FSIP2: variants seen among roughly 807,000 people sequenced by gnomAD.
The protein encoded by FSIP2 is fibrous sheath interacting protein 2.
Under a neutral mutation model 510.5 loss-of-function variants are expected in FSIP2, and 367 were observed. The ratio of observed to expected loss-of-function variants is 0.72; its 90% confidence interval spans 0.66 to 0.78. FSIP2 has a LOEUF of 0.78. Among genes scored for constraint, FSIP2 ranks in the 30% least tolerant of loss-of-function variants. The pLI, the probability that FSIP2 is intolerant of heterozygous loss-of-function variation, is 0.00. For synonymous variants in FSIP2, 2,601 were observed against 2,732.2 expected (o/e 0.95, Z 1.50); for missense variants, 7,594 against 7,901.7 (o/e 0.96, Z 1.48).
At chr2:185,809,827 T>G (rs1320344165) in intron 17 of FSIP2, among the ~76,000 whole-genome samples, 2 of 152,078 alleles carry the variant, frequency 1.3e-5, no homozygotes, top group Non-Finnish European at 2.9e-5. Flanking sequence ...CTCTCCCCTG[T>G]AACCCCATAC....
At chr2:185,739,051 G>A (rs1255218143) in intron 1 of FSIP2, 58 bp downstream of exon 1, 1 of 1,498,670 alleles carries the variant, frequency 6.7e-7, no homozygotes, top group Non-Finnish European at 8.9e-7. Flanking sequence ...CTGCTGGGGA[G>A]CGGGGCAGGG....
At chr2:185,785,158 A>C (rs1471024667) in intron 14 of FSIP2, among the ~76,000 whole-genome samples, 2 of 152,104 alleles carry the variant, frequency 1.3e-5, no homozygotes, top group Admixed American at 6.6e-5. Context: ...AGGTTGCAGA[A>C]TATCTAAGAG....
intron 11 of FSIP2, among the ~76,000 whole-genome samples, chr2:185,762,966 A>C (rs1344035647): frequency 2.6e-5 from 4 of 151,620 alleles, no homozygotes; most frequent in East Asian, 3.9e-4. Context: ...CTTTGAAGGC[A>C]ATGGGAACCA....
In FSIP2 at chr2:185,806,274, G is replaced by C; in HGVS notation, c.16968G>C (p.Gly5656=). The C allele has an allele frequency of 2.5e-6, 4 of 1,609,788 alleles. No homozygotes were observed. Among genetic ancestry groups the C allele is most frequent in the South Asian group, 1.1e-5 (1 of 90,690 alleles). ...EIRIRTSSNE[G]RRDSPTQTCR... is the part of the protein sequence containing the mutation. ...GAATTCGAACATCAAGCAATGAGGGGAGAAGAGACTCTCCAACACAAACGT... is the reference window on the plus strand; with the variant it reads ...GAATTCGAACATCAAGCAATGAGGGCAGAAGAGACTCTCCAACACAAACGT... Residue 5656 remains glycine, a synonymous_variant, in exon 17 of 23, where the codon GGG becomes GGC. Coordinates refer to ENST00000424728, the MANE Select transcript of FSIP2 (RefSeq NM_173651.4).
chr2:185,800,489 ACTC>A lies in FSIP2; in HGVS notation c.11187_11189del (p.Ser3730del). The A allele has an allele frequency of 6.5e-7, 1 of 1,533,266 alleles. No individual in the cohort carries two copies. Among genetic ancestry groups the A allele is most frequent in the South Asian group, 1.2e-5 (1 of 83,734 alleles). 95.0% of individuals were successfully genotyped at this position (1,533,266 alleles called of 1,614,324 possible). On this transcript the variant is annotated inframe_deletion, in exon 17 of 23. Transcript: ENST00000424728. ...GGTAAAATACAAAGAACATATTTCT[ACTC>A]CTCGAATAATGAGCAACCTAATAGC...
In FSIP2 at chr2:185,794,589, A is replaced by C; in HGVS notation, c.7453A>C (p.Ile2485Leu). The C allele has an allele frequency of 6.5e-7, 1 of 1,531,588 alleles. No individual in the cohort carries two copies. The highest frequency in any genetic ancestry group is 8.7e-7 in the Non-Finnish European group (1 of 1,144,360). The allele number at this position is 1,531,588 out of a possible 1,614,324, so 94.9% of individuals were successfully genotyped here. A position where few individuals can be genotyped will look rare whatever the true frequency, so the allele number is the denominator to read the frequency against. ...AAACAAAGAAAAAGGTGAACTGCTC[A>C]TTGCAGTGGAAGAACTTTTGAATAA... ...SKNKEKGELL[I>L]AVEELLNKLY... Residue 2485 changes from isoleucine (I) to leucine (L), a missense_variant, in exon 16 of 23, where the codon ATT (isoleucine) becomes CTT (leucine). Transcript: ENST00000424728.
chr2:185,832,479 T>G (rs569861021), intron 22 of FSIP2, among the ~76,000 whole-genome samples: 9 of 151,992 alleles, frequency 5.9e-5, no homozygotes, highest in African/African-American at 2.2e-4. Context: ...ACTTTTGAGT[T>G]TCATGTACTA....
At chr2:185,739,120 G>A in intron 1 of FSIP2, 127 bp downstream of exon 1, 1 of 1,299,892 alleles carries the variant, frequency 7.7e-7, no homozygotes, top group Non-Finnish European at 1.0e-6. Flanking sequence ...CTGCCCTCTT[G>A]CGGCGCCCGG....
At chr2:185,739,134 C>T (rs1352240385) in intron 1 of FSIP2, 141 bp downstream of exon 1, 9 of 1,209,854 alleles carry the variant, frequency 7.4e-6, no homozygotes, top group Non-Finnish European at 1.0e-5. Flanking sequence ...CGCCCGGGGG[C>T]GGTGGCGGTG....
chr2:185,804,935 A>G lies in FSIP2; in HGVS notation c.15629A>G (p.Lys5210Arg). Residue 5210 changes from lysine to arginine, a missense_variant, in exon 17 of 23, where the codon AAA becomes AGA. Transcript: ENST00000424728. ...KTSEFQAEVQ[K>R]DADKKGCSFL... ...TCTGAATTCCAAGCTGAAGTACAAA[A>G]AGATGCAGACAAAAAAGGATGCTCA... The G allele has an allele frequency of 6.5e-7, 1 of 1,528,366 alleles. No homozygotes were observed. The highest frequency in any genetic ancestry group is 2.4e-5 in the East Asian group (1 of 40,846). 94.7% of individuals were successfully genotyped at this position (1,528,366 alleles called of 1,614,324 possible). A position where few individuals can be genotyped will look rare whatever the true frequency, so the allele number is the denominator to read the frequency against.
chr2:185,810,659 T>C (rs191708261), intron 17 of FSIP2, among the ~76,000 whole-genome samples: 1 of 146,068 alleles, frequency 6.8e-6, no homozygotes, highest in Non-Finnish European at 1.5e-5. Flanking sequence ...TACCTGAAAA[T>C]ACGGAAGCAC....
At chr2:185,785,719 T>G (rs1205108577) in intron 14 of FSIP2, among the ~76,000 whole-genome samples, 5 of 152,044 alleles carry the variant, frequency 3.3e-5, no homozygotes, top group Non-Finnish European at 5.9e-5. Flanking sequence ...TAAATTGGTA[T>G]TAAATATAGC....
chr2:185,738,755 T>C (rs958095088), upstream of FSIP2: 1 of 1,535,906 alleles, frequency 6.5e-7, no homozygotes, highest in Non-Finnish European at 8.7e-7. Context: ...CCGCTACCAT[T>C]GGAAGCCTGG....
At chr2:185,750,977 TATTGAG>T (rs1211392377) in intron 7 of FSIP2, among the ~76,000 whole-genome samples, 1 of 151,540 alleles carries the variant, frequency 6.6e-6, no homozygotes, top group Non-Finnish European at 1.5e-5. Context: ...TTTTTAAATA[TATTGAG>T]ATTATTTTAT....
chr2:185,785,210 T>C (rs13020956), intron 14 of FSIP2, among the ~76,000 whole-genome samples: 147,628 of 152,114 alleles, frequency 0.97, 71,714 homozygotes, highest in Middle Eastern at 1. Flanking sequence ...AAACCAGATC[T>C]TAGAAAAACA....
intron 20 of FSIP2, among the ~76,000 whole-genome samples, chr2:185,825,371 C>T (rs1475791877): frequency 6.6e-6 from 1 of 151,726 alleles, no homozygotes; most frequent in Non-Finnish European, 1.5e-5. Flanking sequence ...ACCCATCCAA[C>T]ATTCCTCTGA....
chr2:185,789,549 T>C lies in FSIP2; in HGVS notation c.2413T>C (p.Leu805=). ...ELLTSSNGKP[L]KNSMPHTLDP... Reference sequence around the variant, plus strand: ...TCTCACATCATCTAATGGAAAACCTTTGAAAAATTCAATGCCTCATACTTT... The same window carrying C: ...TCTCACATCATCTAATGGAAAACCTCTGAAAAATTCAATGCCTCATACTTT... Residue 805 remains leucine, a synonymous_variant, in exon 16 of 23, where the codon TTG becomes CTG. Transcript: ENST00000424728. The C allele has an allele frequency of 6.5e-7, 1 of 1,534,736 alleles. No homozygotes were observed. Among genetic ancestry groups the C allele is most frequent in the African/African-American group, 1.4e-5 (1 of 73,042 alleles).
intron 21 of FSIP2, among the ~76,000 whole-genome samples, chr2:185,830,297 C>G (rs898783985): frequency 1.3e-5 from 2 of 151,882 alleles, no homozygotes; most frequent in East Asian, 3.9e-4. Context: ...GATGCCAACT[C>G]TGACATAGCC....
intron 3 of FSIP2, among the ~76,000 whole-genome samples, chr2:185,743,573 C>T (rs1007208690): frequency 1.3e-5 from 2 of 152,092 alleles, no homozygotes; most frequent in African/African-American, 2.4e-5. Flanking sequence ...TATTTTCCCA[C>T]GTGTATTATA....
Sources: allele counts gnomAD v4.1 joint callset (sites outside exome capture counted in the v4.1 genomes callset), GRCh38; gene constraint gnomAD v4.1.1; transcripts MANE v1.5; gene names NCBI Gene and HGNC (gene_info 2026-07-23, HGNC 2026-07-21).